The following TCP11L1 variants were observed in gnomAD, a reference collection of about 807,000 sequenced individuals.
TCP11L1 encodes the protein t-complex 11 like 1.
A neutral mutation model predicts 48.9 loss-of-function variants in TCP11L1; 28 were observed. The ratio of observed to expected loss-of-function variants is 0.57; its 90% CI spans 0.42 to 0.78. The LOEUF (loss-of-function observed/expected upper bound fraction) is 0.78. TCP11L1 is among the 30% of genes least tolerant of loss of function. The probability of loss-of-function intolerance (pLI) is 0.00; values close to 1 mark genes in which losing one functional copy is unlikely to be tolerated. For missense variants in TCP11L1, 505 were observed against 613.4 expected (o/e 0.82, Z 1.87); for synonymous variants, 204 against 231.9 (o/e 0.88, Z 1.09).
At chr11:33,058,285 ACCT>A (rs1854371026) in intron 5 of TCP11L1, 146 bp downstream of exon 5, 6 of 736,556 alleles carry the variant, frequency 8.1e-6, no homozygotes, top group Non-Finnish European at 1.3e-5. Context: ...TGCAACCTCC[ACCT>A]CCTGGATTCA....
At chr11:33,062,057 G>T (rs1854482916) in intron 7 of TCP11L1, among the ~76,000 whole-genome samples, 1 of 151,924 alleles carries the variant, frequency 6.6e-6, no homozygotes, top group African/African-American at 2.4e-5. Flanking sequence ...CTCCAGCCTG[G>T]GCGACAGAGC....
At chr11:33,040,567 T>A (rs990113612) in intron 1 of TCP11L1, 2 of 152,212 alleles carry the variant, frequency 1.3e-5, no homozygotes, top group African/African-American at 4.8e-5. Flanking sequence ...TTGGGGGATA[T>A]ACAGATGGAG....
At chr11:33,042,994 A>G (rs1336355637) in intron 1 of TCP11L1, among the ~76,000 whole-genome samples, 4 of 152,262 alleles carry the variant, frequency 2.6e-5, no homozygotes, top group South Asian at 4.1e-4. Context: ...TGAAACCGGA[A>G]GGTGGAAGTT....
At position 33,065,702 on chromosome 11, in the gene TCP11L1, A is replaced by G. The variant is rs1854594703; in HGVS notation, c.973-128A>G. 2.9e-6 allele frequency: 3 copies of G among 1,047,498 alleles called. No homozygotes were observed. In the African/African-American group the frequency reaches 4.8e-5, roughly 17 times the overall value. The allele number at this position is 1,047,498 out of a possible 1,614,324, so 64.9% of individuals were successfully genotyped here. A position where few individuals can be genotyped will look rare whatever the true frequency, so the allele number is the denominator to read the frequency against. ...GGTTATTTCACACCAGACTCCCTCA[A>G]AGCTCTGACACACTAGCGCAAACCC... On this transcript the variant is annotated intron_variant, in intron 7 of 9. Coordinates refer to ENST00000334274, the MANE Select transcript of TCP11L1 (RefSeq NM_018393.4).
intron 2 of TCP11L1, among the ~76,000 whole-genome samples, chr11:33,054,366 T>C (rs183911943): frequency 6.8e-4 from 104 of 152,324 alleles, no homozygotes; most frequent in African/African-American, 2.5e-3. Context: ...CCAGTCTTAG[T>C]AAAAACCAGA....
Position 33,066,031 on chromosome 11 carries a change from G to C in TCP11L1, c.1154+20G>C. On this transcript the variant is annotated intron_variant, in intron 8 of 9. Coordinates refer to ENST00000334274, the MANE Select transcript of TCP11L1 (RefSeq NM_018393.4). ...CCTGCCGTAAGTGGAACTTTGATGC[G>C]TGGATGGGACGCAGTGGATGTCAGA... The C allele has an allele frequency of 1.2e-6, 2 of 1,613,000 alleles. No individual in the cohort carries two copies. Among genetic ancestry groups the C allele is most frequent in the South Asian group, 2.2e-5 (2 of 90,852 alleles).
intron 1 of TCP11L1, chr11:33,040,952 C>T (rs2133682762): frequency 6.6e-6 from 1 of 152,342 alleles, no homozygotes; most frequent in African/African-American, 2.4e-5. Flanking sequence ...TTCATTATGG[C>T]TCCTTGTAAG....
rs1470327039 is a variant in TCP11L1, at chr11:33,068,791, A to G, written c.1259A>G (p.Lys420Arg). 1.2e-6 allele frequency: 2 copies of G among 1,613,966 alleles called. No individual in the cohort carries two copies. The highest frequency in any genetic ancestry group is 2.7e-5 in the African/African-American group (2 of 74,904). The change falls in exon 9 of 10, where the codon AAG becomes AGG. Residue 420 changes from lysine (K) to arginine (R), a missense_variant. Coordinates refer to ENST00000334274, the MANE Select transcript of TCP11L1 (RefSeq NM_018393.4). ...LCGSSPFTTDKETVLKGQIQA... is the reference protein window; with the variant it reads ...LCGSSPFTTDRETVLKGQIQA... ...GGGTCCTCTCCCTTCACCACGGACA[A>G]GGAGACCGTGCTCAAGGGCCAGATC...
At chr11:33,057,261 C>G in intron 4 of TCP11L1, 26 bp downstream of exon 4, 3 of 1,613,998 alleles carry the variant, frequency 1.9e-6, no homozygotes, top group Non-Finnish European at 2.5e-6. Flanking sequence ...AATTGTGATG[C>G]TTTTCTGGTG....
In TCP11L1 at chr11:33,057,133, G is replaced by A; in HGVS notation, c.315G>A (p.Lys105=). 1.2e-6 allele frequency: 2 copies of A among 1,613,966 alleles called. No individual in the cohort carries two copies. The highest frequency in any genetic ancestry group is 2.2e-5 in the East Asian group (1 of 44,866). ...LPENSLKKRV[K]EIVHKAFWDC... ...GCCCCAGCTTGAAGAAGAGAGTAAA[G>A]GAGATTGTACATAAAGCGTTTTGGG... The change falls in exon 4 of 10, where the codon AAG becomes AAA. Residue 105 remains lysine (K), a synonymous_variant. Transcript: ENST00000334274.
intron 6 of TCP11L1, among the ~76,000 whole-genome samples, chr11:33,061,226 GA>G (rs1418840245): frequency 6.6e-6 from 1 of 152,168 alleles, no homozygotes; most frequent in Non-Finnish European, 1.5e-5. Flanking sequence ...AAAGTGCTGG[GA>G]TTACAGGCAT....
At chr11:33,046,700 T>C (rs1238282900) in intron 2 of TCP11L1, among the ~76,000 whole-genome samples, 1 of 152,158 alleles carries the variant, frequency 6.6e-6, no homozygotes, top group African/African-American at 2.4e-5. Flanking sequence ...AAGACCTCAT[T>C]ATCTGGGCAT....
chr11:33,058,908 A>G (rs1356138160), intron 5 of TCP11L1, 51 bp from the exon 6 acceptor site: 1 of 1,596,362 alleles, frequency 6.3e-7, no homozygotes, highest in Non-Finnish European at 8.6e-7. Flanking sequence ...TTTTCCTTTA[A>G]TGCTATGTTT....
intron 2 of TCP11L1, among the ~76,000 whole-genome samples, chr11:33,044,919 A>G (rs949421304): frequency 1.3e-4 from 20 of 152,338 alleles, no homozygotes; most frequent in Admixed American, 3.9e-4. Flanking sequence ...GGAAAATACA[A>G]TATTTCTTGG....
intron 7 of TCP11L1, among the ~76,000 whole-genome samples, chr11:33,062,717 A>G (rs1180793104): frequency 1.3e-5 from 2 of 152,170 alleles, no homozygotes; most frequent in African/African-American, 4.8e-5. Flanking sequence ...TTCTACTTTG[A>G]GTCTCTGTGA....
chr11:33,070,768 A>G (rs1296835019), intron 9 of TCP11L1, among the ~76,000 whole-genome samples: 3 of 151,616 alleles, frequency 2.0e-5, no homozygotes, highest in African/African-American at 7.3e-5. Context: ...TTGGGAGGCC[A>G]AGGTGGGCAG....
At chr11:33,072,371 A>C (rs1854817917) in intron 9 of TCP11L1, 103 bp from the exon 10 acceptor site, 1 of 1,214,968 alleles carries the variant, frequency 8.2e-7, no homozygotes, top group African/African-American at 1.5e-5. Context: ...TTGATCGGGG[A>C]CAACTTCCCC....
At chr11:33,047,221 A>T (rs1431632969) in intron 2 of TCP11L1, among the ~76,000 whole-genome samples, 1 of 151,972 alleles carries the variant, frequency 6.6e-6, no homozygotes, top group Non-Finnish European at 1.5e-5. Flanking sequence ...CTCAAGAAAA[A>T]AAAAAAAAGA....
intron 2 of TCP11L1, among the ~76,000 whole-genome samples, chr11:33,051,575 C>T (rs1854163045): frequency 6.6e-6 from 1 of 152,156 alleles, no homozygotes; most frequent in African/African-American, 2.4e-5. Flanking sequence ...GTCACCCAGA[C>T]TGGAGGGCAG....
Sources: gnomAD v4.1 joint callset for allele counts (sites outside exome capture counted in the v4.1 genomes callset) on GRCh38, gnomAD v4.1.1 for gene constraint, MANE v1.5 for transcripts, NCBI Gene and HGNC (gene_info 2026-07-23, HGNC 2026-07-21) for gene names.